Variants in UACA observed in about 807,000 individuals in gnomAD.
UACA encodes uveal autoantigen with coiled-coil domains and ankyrin repeats, also known as nuclear membrane binding protein.
In UACA, 112 loss-of-function variants were observed where a neutral mutation model predicts 160.5. The ratio of observed to expected loss-of-function variants is 0.70; its 90% CI spans 0.60 to 0.82. The LOEUF is 0.82. Among genes scored for constraint, UACA ranks in the 40% least tolerant of loss-of-function variants. UACA has a pLI of 0.00. For missense variants in UACA, 1,574 were observed against 1,614.6 expected (o/e 0.97, Z 0.43); for synonymous variants, 557 against 568.4 (o/e 0.98, Z 0.29).
At chr15:70,685,469 T>G (rs375088435) in intron 7 of UACA, among the ~76,000 whole-genome samples, 84 of 152,066 alleles carry the variant, frequency 5.5e-4, no homozygotes, top group African/African-American at 1.8e-3. Context: ...GTCCCCCAAC[T>G]CCCCTGTAGT....
chr15:70,771,118 T>C, the UACA span, among the ~76,000 whole-genome samples: 7 of 152,248 alleles, frequency 4.6e-5, no homozygotes, highest in Non-Finnish European at 1.0e-4. Context: ...CTTTGAATGC[T>C]TTTGTTTAAA....
At chr15:70,681,759 G>A (rs976715506) in intron 9 of UACA, 10 of 152,036 alleles carry the variant, frequency 6.6e-5, no homozygotes, top group African/African-American at 2.4e-4. Context: ...TAATTCAGAT[G>A]GATTGAAAAG....
At chr15:70,721,886 G>C (rs1317793533) in intron 1 of UACA, among the ~76,000 whole-genome samples, 1 of 152,104 alleles carries the variant, frequency 6.6e-6, no homozygotes, top group African/African-American at 2.4e-5. Flanking sequence ...AGATTATCTG[G>C]TAAACATTCA....
chr15:70,669,207 TTATCTGTTCATC>T lies in UACA; in HGVS notation c.1465_1476del (p.Asp489_Ile492del). 1 of 1,614,084 alleles carries T rather than the reference TTATCTGTTCATC, an allele frequency of 6.2e-7. No individual in the cohort carries two copies. Among genetic ancestry groups the T allele is most frequent in the African/African-American group, 1.3e-5 (1 of 75,050 alleles). ...TCTTTTAATGCATCTTCTAATTGCT[TTATCTGTTCATC>T]TGAATCCTCCTTGACCCTTTCACAT... On this transcript the variant is annotated inframe_deletion, in exon 16 of 19. Coordinates refer to ENST00000322954, the MANE Select transcript of UACA (RefSeq NM_018003.4).
rs554381100 is a variant in UACA, at chr15:70,680,725, C to G, written c.823-1049G>C. Among the ~76,000 whole-genome samples, 3 of 152,294 alleles carry G rather than the reference C, an allele frequency of 2.0e-5. No homozygotes were observed. In the South Asian group the frequency reaches 6.2e-4, roughly 32 times the overall value. ...TCCTAACTCAGACATACTAAATCAA[C>G]CGCATCCTTTAATTAAGATCCATCT... On this transcript the variant is annotated intron_variant, in intron 9 of 18. Transcript: ENST00000322954.
In UACA at chr15:70,667,334, A is replaced by G; in HGVS notation, c.3350T>C (p.Val1117Ala). Residue 1117 changes from valine (V) to alanine (A), a missense_variant, in exon 16 of 19, where the codon GTT becomes GCT. Coordinates refer to ENST00000322954, the MANE Select transcript of UACA (RefSeq NM_018003.4). Reference sequence around the variant, plus strand: ...ATTAAGAGATTTTTTCAGAGCCTCAACCTGTTCCAATGGAACATGTTGTTT... The same window carrying G: ...ATTAAGAGATTTTTTCAGAGCCTCAGCCTGTTCCAATGGAACATGTTGTTT... ...LQKQHVPLEQ[V>A]EALKKSLNGT... is the part of the protein sequence containing the mutation. The G allele has an allele frequency of 1.9e-6, 3 of 1,613,040 alleles. No individual in the cohort carries two copies. The highest frequency in any genetic ancestry group is 1.1e-5 in the South Asian group (1 of 90,760).
chr15:70,775,868 G>A, the UACA span, among the ~76,000 whole-genome samples: 7 of 152,230 alleles, frequency 4.6e-5, no homozygotes, highest in East Asian at 3.9e-4. Flanking sequence ...AACAATTCAC[G>A]CATAGAAATT....
At chr15:70,740,204 G>T (rs1364504980) in intron 1 of UACA, among the ~76,000 whole-genome samples, 1 of 152,052 alleles carries the variant, frequency 6.6e-6, no homozygotes, top group Non-Finnish European at 1.5e-5. Flanking sequence ...TTATAATATT[G>T]TAAATTGTAA....
the UACA span, among the ~76,000 whole-genome samples, chr15:70,770,689 C>CTTTGA: frequency 2.0e-5 from 3 of 152,204 alleles, no homozygotes; most frequent in Admixed American, 6.5e-5. Context: ...AGAACAGTTC[C>CTTTGA]TTTGAACCTT....
chr15:70,685,334 T>C (rs539801239), intron 7 of UACA, among the ~76,000 whole-genome samples: 4 of 152,312 alleles, frequency 2.6e-5, no homozygotes, highest in East Asian at 1.9e-4. Context: ...AACCAACACG[T>C]AATGAAATGA....
rs1032326108 is a variant in UACA, at chr15:70,656,085, T to C, written c.*971A>G. 1 of 152,220 alleles carries C rather than the reference T, an allele frequency of 6.6e-6. No homozygotes were observed. The highest frequency in any genetic ancestry group is 2.4e-5 in the African/African-American group (1 of 41,466). 9.4% of individuals were successfully genotyped at this position (152,220 alleles called of 1,614,324 possible). A position where few individuals can be genotyped will look rare whatever the true frequency, so the allele number is the denominator to read the frequency against. On this transcript the variant is annotated 3_prime_UTR_variant, in exon 19 of 19. Coordinates refer to ENST00000322954, the MANE Select transcript of UACA (RefSeq NM_018003.4). The stretch of plus-strand genomic sequence containing the variant: ...TTTACTGTATTACTGTACTTTTCTC[T>C]AAAACTTTAAAAATCTGTTATCTAA...
intron 5 of UACA, among the ~76,000 whole-genome samples, chr15:70,688,410 T>C (rs1170274402): frequency 6.6e-6 from 1 of 152,084 alleles, no homozygotes; most frequent in African/African-American, 2.4e-5. Context: ...ATGTTTACAA[T>C]CCCCATGAAT....
At chr15:70,724,334 T>C (rs1202668653) in intron 1 of UACA, among the ~76,000 whole-genome samples, 4 of 152,180 alleles carry the variant, frequency 2.6e-5, no homozygotes, top group Non-Finnish European at 4.4e-5. Context: ...TAAAGGCTGA[T>C]AGAAAATAAT....
chr15:70,740,523 G>A (rs1899496958), intron 1 of UACA, among the ~76,000 whole-genome samples: 1 of 151,178 alleles, frequency 6.6e-6, no homozygotes, highest in African/African-American at 2.4e-5. Context: ...TGTGGTCCCA[G>A]CTACACGGGA....
intron 5 of UACA, 114 bp from the exon 6 acceptor site, chr15:70,687,934 A>G (rs1897789446): frequency 1.1e-6 from 1 of 919,838 alleles, no homozygotes. Flanking sequence ...ACCAAGCTTC[A>G]CGTCCTTCAC....
At chr15:70,661,235 T>C (rs1896696173) in intron 17 of UACA, 1 of 152,208 alleles carries the variant, frequency 6.6e-6, no homozygotes, top group South Asian at 2.1e-4. Flanking sequence ...ACACCACTAA[T>C]CTTTCCTTCC....
chr15:70,711,404 G>A (rs1898677466), intron 1 of UACA, among the ~76,000 whole-genome samples: 1 of 151,708 alleles, frequency 6.6e-6, no homozygotes, highest in African/African-American at 2.4e-5. Context: ...GCTCACACCT[G>A]TAATCCTACC....
rs77196370 is a variant in UACA, at chr15:70,674,285, G to A, written c.1131+2208C>T. Among the ~76,000 whole-genome samples the A allele has an allele frequency of 7.2e-5, 11 of 152,198 alleles. No homozygotes were observed. In the East Asian group the frequency reaches 1.4e-3, roughly 19 times the overall value. On this transcript the variant is annotated intron_variant, in intron 13 of 18. Coordinates refer to ENST00000322954, the MANE Select transcript of UACA (RefSeq NM_018003.4). ...CATAAAATTTCATCACAATGAATAC[G>A]TAGTGACTGAGGAAAATGTCCCCAT...
At chr15:70,764,798 C>T (rs2030963473), upstream of UACA, among the ~76,000 whole-genome samples, 1 of 152,152 alleles carries the variant, frequency 6.6e-6, no homozygotes, top group Non-Finnish European at 1.5e-5. Context: ...CTCCCCCTTC[C>T]TCTAGATCTC....
Sources: gnomAD v4.1 joint callset for allele counts (sites outside exome capture counted in the v4.1 genomes callset) on GRCh38, gnomAD v4.1.1 for gene constraint, MANE v1.5 for transcripts, NCBI Gene and HGNC (gene_info 2026-07-23, HGNC 2026-07-21) for gene names.